The following RIT2 variants were observed in gnomAD, a reference collection of about 807,000 sequenced individuals.
RIT2 encodes the protein Ras like without CAAX 2, also known as GTP-binding protein Rit2.
A neutral mutation model predicts 23.7 loss-of-function variants in RIT2; 24 were observed. The observed-to-expected ratio is 1.01, with a 90% CI of 0.73 to 1.43. The LOEUF (loss-of-function observed/expected upper bound fraction) is 1.43, where lower values mean the gene tolerates loss of function less well. Ranked by LOEUF, RIT2 falls within the 40% of genes most tolerant of loss-of-function variation. The probability of loss-of-function intolerance (pLI) is 0.00; values close to 1 mark genes in which losing one functional copy is unlikely to be tolerated. For missense variants in RIT2, 236 were observed against 266.9 expected (o/e 0.88, Z 0.81); for synonymous variants, 107 against 91.1 (o/e 1.17, Z -0.99).
At chr18:43,001,541 T>C (rs375744983) in intron 2 of RIT2, among the ~76,000 whole-genome samples, 15 of 151,936 alleles carry the variant, frequency 9.9e-5, no homozygotes, top group East Asian at 5.8e-4. Context: ...GGTGGTTAGA[T>C]TGAATATCTT....
chr18:42,910,930 AAAC>A (rs950111718), intron 4 of RIT2, among the ~76,000 whole-genome samples: 2 of 152,152 alleles, frequency 1.3e-5, no homozygotes, highest in Non-Finnish European at 1.5e-5. Flanking sequence ...ATGAAACATT[AAAC>A]AACAAGATCT....
chr18:43,078,331 C>A (rs1913073106), intron 1 of RIT2, among the ~76,000 whole-genome samples: 1 of 152,176 alleles, frequency 6.6e-6, no homozygotes, highest in Non-Finnish European at 1.5e-5. Context: ...TGCATTCTTG[C>A]CACTGTACTT....
rs577998529 is a variant in RIT2 at position 42,978,314 on chromosome 18, T to C, written c.161-4167A>G. ...ACCTTTTATCCACGGCTTTTTTTTT[T>C]TCTCTCTTTTAAAAAGTGTCTATCA... On this transcript the variant is annotated intron_variant, in intron 2 of 4. Transcript: ENST00000326695. 3.9e-5 allele frequency among the ~76,000 whole-genome samples: 6 copies of C among 151,906 alleles called. No homozygotes were observed. In the South Asian group the frequency reaches 6.2e-4, roughly 16 times the overall value.
chr18:42,942,005 A>G (rs1909614297), intron 3 of RIT2, among the ~76,000 whole-genome samples: 1 of 152,068 alleles, frequency 6.6e-6, no homozygotes, highest in Non-Finnish European at 1.5e-5. Context: ...TTATGCAAGG[A>G]TAAGTGATTA....
intron 4 of RIT2, among the ~76,000 whole-genome samples, chr18:42,775,866 C>G (rs1913658941): frequency 6.6e-6 from 1 of 151,606 alleles, no homozygotes; most frequent in African/African-American, 2.4e-5. Context: ...CACATACACA[C>G]ACACACACAC....
chr18:43,081,740 A>G (rs1913162480), intron 1 of RIT2, among the ~76,000 whole-genome samples: 1 of 152,162 alleles, frequency 6.6e-6, no homozygotes. Flanking sequence ...ACAGTGCTTC[A>G]TGAATAACAG....
intron 1 of RIT2, among the ~76,000 whole-genome samples, chr18:43,090,394 G>A (rs1278917160): frequency 6.6e-6 from 1 of 152,066 alleles, no homozygotes; most frequent in Admixed American, 6.6e-5. Flanking sequence ...GGGTCGTGGA[G>A]AAAAAGAAAC....
chr18:43,026,186 G>A (rs150095947), intron 2 of RIT2, among the ~76,000 whole-genome samples: 592 of 152,050 alleles, frequency 3.9e-3, no homozygotes, highest in Admixed American at 6.6e-3. Flanking sequence ...AGTATATTGT[G>A]TGGCAAAAGA....
At chr18:42,771,097 G>A (rs1799042453) in intron 4 of RIT2, among the ~76,000 whole-genome samples, 1 of 151,954 alleles carries the variant, frequency 6.6e-6, no homozygotes, top group African/African-American at 2.4e-5. Context: ...CTTTACTCTT[G>A]GCTCAAATTA....
At chr18:42,873,937 G>A (rs981450971) in intron 4 of RIT2, among the ~76,000 whole-genome samples, 2 of 152,090 alleles carry the variant, frequency 1.3e-5, no homozygotes, top group East Asian at 1.9e-4. Flanking sequence ...GGCCCTGGGG[G>A]AACACAACAT....
chr18:42,809,906 A>G (rs1174997439), intron 4 of RIT2, among the ~76,000 whole-genome samples: 262 of 125,524 alleles, frequency 2.1e-3, no homozygotes, highest in African/African-American at 9.5e-3. Context: ...TATTATATAT[A>G]ATATATATAA....
intron 4 of RIT2, among the ~76,000 whole-genome samples, chr18:42,784,663 T>C (rs1913886023): frequency 1.3e-5 from 2 of 152,122 alleles, no homozygotes; most frequent in Admixed American, 1.3e-4. Context: ...TGCAATGTTT[T>C]TTCTGTCAAT....
chr18:42,829,529 G>A (rs1191473246), intron 4 of RIT2, among the ~76,000 whole-genome samples: 2 of 152,126 alleles, frequency 1.3e-5, no homozygotes, highest in African/African-American at 4.8e-5. Flanking sequence ...GGAGAGCCAG[G>A]TGTGACTTCC....
At chr18:42,826,233 T>C (rs2144000418) in intron 4 of RIT2, among the ~76,000 whole-genome samples, 1 of 152,160 alleles carries the variant, frequency 6.6e-6, no homozygotes, top group African/African-American at 2.4e-5. Context: ...AGGCACTCTC[T>C]TACATCCATT....
intron 1 of RIT2, among the ~76,000 whole-genome samples, chr18:43,051,543 T>G (rs917155713): frequency 6.6e-6 from 1 of 152,094 alleles, no homozygotes; most frequent in Non-Finnish European, 1.5e-5. Context: ...TGAAAGACAT[T>G]CATAAATTGG....
intron 2 of RIT2, among the ~76,000 whole-genome samples, chr18:43,024,166 T>C (rs951203937): frequency 1.3e-5 from 2 of 152,022 alleles, no homozygotes; most frequent in African/African-American, 4.8e-5. Flanking sequence ...AGTGACATAA[T>C]CAACCTTATG....
chr18:42,746,410 T>C (rs1020898564), intron 4 of RIT2, among the ~76,000 whole-genome samples: 7 of 152,008 alleles, frequency 4.6e-5, no homozygotes, highest in African/African-American at 1.7e-4. Flanking sequence ...TGTAAAGATA[T>C]AGAAAGTGAA....
intron 4 of RIT2, among the ~76,000 whole-genome samples, chr18:42,901,776 C>T (rs1045729380): frequency 1.1e-4 from 16 of 151,836 alleles, no homozygotes; most frequent in Non-Finnish European, 2.1e-4. Context: ...AGTTTATTGG[C>T]GTGGCTTTAG....
intron 3 of RIT2, among the ~76,000 whole-genome samples, chr18:42,971,109 G>T (rs2144200181): frequency 6.6e-6 from 1 of 151,780 alleles, no homozygotes; most frequent in Non-Finnish European, 1.5e-5. Flanking sequence ...TCTACTTCCT[G>T]GATTTGTTGT....
Sources: allele counts gnomAD v4.1 joint callset (sites outside exome capture counted in the v4.1 genomes callset), GRCh38; gene constraint gnomAD v4.1.1; transcripts MANE v1.5; gene names NCBI Gene and HGNC (gene_info 2026-07-23, HGNC 2026-07-21).